The following SLC16A7 variants were observed in gnomAD, a reference collection of about 807,000 sequenced individuals.
SLC16A7 encodes solute carrier family 16 member 7.
SLC16A7 carries 33 observed loss-of-function variants against 34.9 expected under a neutral mutation model. The ratio of observed to expected loss-of-function variants is 0.94; its 90% CI spans 0.72 to 1.26. The LOEUF is 1.26. SLC16A7 is among the 50% of genes most tolerant of loss of function. The pLI is 0.00. For missense variants in SLC16A7, 573 were observed against 578.1 expected (o/e 0.99, Z 0.09); for synonymous variants, 201 against 206.6 (o/e 0.97, Z 0.23).
At chr12:59,689,031 T>C (rs1051323076) in intron 2 of SLC16A7, among the ~76,000 whole-genome samples, 1 of 152,170 alleles carries the variant, frequency 6.6e-6, no homozygotes, top group African/African-American at 2.4e-5. Flanking sequence ...TTTATGTTTT[T>C]TTGACATGTG....
At chr12:59,683,599 G>A (rs912278677) in intron 2 of SLC16A7, among the ~76,000 whole-genome samples, 3 of 152,188 alleles carry the variant, frequency 2.0e-5, no homozygotes, top group African/African-American at 7.2e-5. Context: ...ACTCAAAAAT[G>A]TAACATTTCA....
intron 2 of SLC16A7, among the ~76,000 whole-genome samples, chr12:59,675,348 T>A (rs1307743604): frequency 6.6e-6 from 1 of 152,200 alleles, no homozygotes; most frequent in African/African-American, 2.4e-5. Flanking sequence ...ATGAAATCAG[T>A]GCCCTTATGA....
At chr12:59,748,566 G>A (rs1241327561) in intron 3 of SLC16A7, among the ~76,000 whole-genome samples, 2 of 152,006 alleles carry the variant, frequency 1.3e-5, no homozygotes, top group African/African-American at 2.4e-5. Context: ...ATAACACCAC[G>A]GGACCCATAC....
At chr12:59,688,463 T>G (rs1272794655) in intron 2 of SLC16A7, among the ~76,000 whole-genome samples, 1 of 152,136 alleles carries the variant, frequency 6.6e-6, no homozygotes, top group Non-Finnish European at 1.5e-5. Flanking sequence ...TCTTTGAACT[T>G]TATTTTCATT....
intron 3 of SLC16A7, among the ~76,000 whole-genome samples, chr12:59,734,919 C>G (rs1877409107): frequency 6.6e-6 from 1 of 152,172 alleles, no homozygotes; most frequent in Non-Finnish European, 1.5e-5. Flanking sequence ...ATGCATTACT[C>G]TCTAGTTTCT....
chr12:59,751,927 G>C (rs1245879510), intron 3 of SLC16A7, among the ~76,000 whole-genome samples: 1 of 152,260 alleles, frequency 6.6e-6, no homozygotes, highest in Admixed American at 6.5e-5. Context: ...GGAACGATCA[G>C]ACAGCAGCAT....
chr12:59,632,244 T>G (rs1368403148), intron 1 of SLC16A7, among the ~76,000 whole-genome samples: 1 of 152,024 alleles, frequency 6.6e-6, no homozygotes, highest in Non-Finnish European at 1.5e-5. Flanking sequence ...TTTCATCTGC[T>G]TTGACTTTTA....
At chr12:59,772,519 TA>T (rs1385886716) in intron 4 of SLC16A7, among the ~76,000 whole-genome samples, 1 of 150,952 alleles carries the variant, frequency 6.6e-6, no homozygotes, top group African/African-American at 2.5e-5. Context: ...GGCTCTTAAA[TA>T]CTTTGATGCC....
intron 1 of SLC16A7, among the ~76,000 whole-genome samples, chr12:59,644,260 T>C (rs1207399199): frequency 6.6e-6 from 1 of 152,148 alleles, no homozygotes; most frequent in Admixed American, 6.6e-5. Context: ...CTGGCTTTAG[T>C]GCGCATCAAA....
chr12:59,597,900 C>T (rs1004616984), intron 1 of SLC16A7, among the ~76,000 whole-genome samples: 3 of 152,168 alleles, frequency 2.0e-5, no homozygotes, highest in Non-Finnish European at 4.4e-5. Context: ...AATAAGTGAT[C>T]TGAAATTTTA....
intron 1 of SLC16A7, among the ~76,000 whole-genome samples, chr12:59,648,867 GGATAGATTATT>G (rs1868295254): frequency 6.6e-6 from 1 of 152,104 alleles, no homozygotes; most frequent in Non-Finnish European, 1.5e-5. Context: ...TGAATTCTAT[GGATAGATTATT>G]GATTGTGGTG....
intron 3 of SLC16A7, among the ~76,000 whole-genome samples, chr12:59,770,923 A>G (rs1376763813): frequency 6.6e-6 from 1 of 152,180 alleles, no homozygotes; most frequent in Non-Finnish European, 1.5e-5. Flanking sequence ...TATTTTAGGT[A>G]TGTTCTATTG....
At chr12:59,776,006 A>C (rs1421018783) in intron 5 of SLC16A7, among the ~76,000 whole-genome samples, 1 of 152,192 alleles carries the variant, frequency 6.6e-6, no homozygotes, top group Non-Finnish European at 1.5e-5. Context: ...GACAGGGATG[A>C]CCGAAAATTT....
At chr12:59,668,496 AT>A (rs1869399735) in intron 2 of SLC16A7, among the ~76,000 whole-genome samples, 1 of 152,006 alleles carries the variant, frequency 6.6e-6, no homozygotes, top group Non-Finnish European at 1.5e-5. Flanking sequence ...TAGTCCCTTT[AT>A]TTTTTGCCAA....
At chr12:59,598,844 A>T (rs1878547070) in intron 1 of SLC16A7, among the ~76,000 whole-genome samples, 1 of 152,232 alleles carries the variant, frequency 6.6e-6, no homozygotes, top group South Asian at 2.1e-4. Context: ...ACTGTAGTAT[A>T]TAATAACTAT....
chr12:59,710,055 A>C (rs1874046586), intron 3 of SLC16A7, among the ~76,000 whole-genome samples: 1 of 151,702 alleles, frequency 6.6e-6, no homozygotes, highest in African/African-American at 2.4e-5. Flanking sequence ...AAATTATTAC[A>C]TGGGATGAGA....
intron 1 of SLC16A7, among the ~76,000 whole-genome samples, chr12:59,610,133 T>C (rs544617413): frequency 6.6e-6 from 1 of 152,318 alleles, no homozygotes; most frequent in South Asian, 2.1e-4. Context: ...CCTCCCTCTT[T>C]GCACACACAA....
chr12:59,661,349 G>A (rs1047021369), intron 2 of SLC16A7, among the ~76,000 whole-genome samples: 1 of 152,038 alleles, frequency 6.6e-6, no homozygotes, highest in Non-Finnish European at 1.5e-5. Context: ...ACAAGGATTG[G>A]CAACTTGGGT....
At chr12:59,612,723 A>G (rs920366865) in intron 1 of SLC16A7, among the ~76,000 whole-genome samples, 1 of 152,116 alleles carries the variant, frequency 6.6e-6, no homozygotes, top group Admixed American at 6.6e-5. Context: ...CTCAAGTTCA[A>G]AGTTCCACAG....
Sources: gnomAD v4.1 joint callset for allele counts (sites outside exome capture counted in the v4.1 genomes callset) on GRCh38, gnomAD v4.1.1 for gene constraint, MANE v1.5 for transcripts, NCBI Gene and HGNC (gene_info 2026-07-23, HGNC 2026-07-21) for gene names.